EFR3A: variants seen among roughly 807,000 people sequenced by gnomAD.
EFR3A encodes the protein protein EFR3 homolog A.
In EFR3A, 76 loss-of-function variants were observed where a neutral mutation model predicts 104.4. That is an observed-to-expected ratio of 0.73 (90% CI 0.60 to 0.88). EFR3A has a LOEUF of 0.88. Among genes scored for constraint, EFR3A ranks in the 40% least tolerant of loss-of-function variants. The probability of loss-of-function intolerance (pLI) is 0.00; values close to 1 mark genes in which losing one functional copy is unlikely to be tolerated. For synonymous variants in EFR3A, 330 were observed against 330.0 expected, an observed-to-expected ratio of 1.00 and a Z score of 0.00; for missense variants, 985 against 1,012.5, an observed-to-expected ratio of 0.97 and a Z score of 0.37.
At chr8:131,947,519 G>A (rs761091267) in intron 4 of EFR3A, among the ~76,000 whole-genome samples, 7 of 149,976 alleles carry the variant, frequency 4.7e-5, no homozygotes, top group Non-Finnish European at 1.0e-4. Flanking sequence ...TTTTGATGAA[G>A]TCCAGTTCCT....
intron 18 of EFR3A, among the ~76,000 whole-genome samples, chr8:131,995,785 T>TAAAGA (rs1821447761): frequency 6.6e-6 from 1 of 152,196 alleles, no homozygotes; most frequent in Non-Finnish European, 1.5e-5. Context: ...GCTAGAGCAC[T>TAAAGA]CAGGTAAAGA....
chr8:131,928,247 A>G (rs1211659571), intron 1 of EFR3A, among the ~76,000 whole-genome samples: 1 of 152,164 alleles, frequency 6.6e-6, no homozygotes, highest in Non-Finnish European at 1.5e-5. Flanking sequence ...TATTATAAGA[A>G]TAAGATAGTT....
At chr8:131,939,738 G>A (rs765929423) in intron 1 of EFR3A, 1 of 152,060 alleles carries the variant, frequency 6.6e-6, no homozygotes, top group Non-Finnish European at 1.5e-5. Context: ...TACAGGACCT[G>A]GCTCAGTGCT....
chr8:131,936,811 C>T (rs1483362918), intron 1 of EFR3A, among the ~76,000 whole-genome samples: 1 of 152,138 alleles, frequency 6.6e-6, no homozygotes, highest in African/African-American at 2.4e-5. Context: ...TATATATTTG[C>T]TCCAGGTAAG....
intron 1 of EFR3A, among the ~76,000 whole-genome samples, chr8:131,923,551 T>G (rs902106228): frequency 6.6e-6 from 1 of 151,188 alleles, no homozygotes; most frequent in African/African-American, 2.4e-5. Flanking sequence ...TTCAGATGAC[T>G]TCTTAGGAAG....
rs1182956463 is a variant in EFR3A at position 131,970,492 on chromosome 8, A to G, written c.1008A>G (p.Glu336=). The stretch of plus-strand genomic sequence containing the variant: ...CCTTTATAGGTCCGACAGTGCTGGA[A>G]GTCTTCAATACCCTTTTGAAACATC... ...AKGSIGPTVL[E]VFNTLLKHLR... Residue 336 remains glutamate (E), a synonymous_variant, in exon 10 of 23, where the codon GAA becomes GAG. Transcript: ENST00000254624. 1.2e-6 allele frequency: 2 copies of G among 1,613,690 alleles called. No individual in the cohort carries two copies. The highest frequency in any genetic ancestry group is 2.2e-5 in the South Asian group (2 of 91,072).
chr8:131,940,463 A>G (rs1440992008), intron 1 of EFR3A, 36 bp from the exon 2 acceptor site: 3 of 1,535,276 alleles, frequency 2.0e-6, no homozygotes, highest in Non-Finnish European at 2.6e-6. Flanking sequence ...CAATATTAAT[A>G]ATATCTGTAT....
At chr8:132,007,229 A>G (rs1340147878) in intron 22 of EFR3A, among the ~76,000 whole-genome samples, 1 of 151,930 alleles carries the variant, frequency 6.6e-6, no homozygotes, top group South Asian at 2.1e-4. Context: ...GTATGTGGAA[A>G]ATCGTAAGTA....
At chr8:132,007,545 A>G (rs1808167211) in intron 22 of EFR3A, among the ~76,000 whole-genome samples, 1 of 151,984 alleles carries the variant, frequency 6.6e-6, no homozygotes, top group Non-Finnish European at 1.5e-5. Context: ...GTTTCTTTCA[A>G]GTTGATCTGT....
intron 8 of EFR3A, among the ~76,000 whole-genome samples, chr8:131,966,743 C>T (rs1186536230): frequency 6.6e-6 from 1 of 152,140 alleles, no homozygotes. Context: ...TTCACCACCA[C>T]TGTATTATGT....
At chr8:132,008,946 A>G (rs1422876742) in intron 22 of EFR3A, among the ~76,000 whole-genome samples, 3 of 150,612 alleles carry the variant, frequency 2.0e-5, no homozygotes, top group Admixed American at 6.7e-5. Flanking sequence ...ACATTTGTCA[A>G]TTTTTGTCAA....
intron 1 of EFR3A, among the ~76,000 whole-genome samples, chr8:131,924,729 C>A (rs1817216023): frequency 6.6e-6 from 1 of 152,134 alleles, no homozygotes; most frequent in African/African-American, 2.4e-5. Flanking sequence ...CAGTCCAACT[C>A]AGAAAAGTCT....
chr8:132,011,214 A>G lies in EFR3A; in HGVS notation c.*319A>G. The G allele has an allele frequency of 9.8e-7, 1 of 1,017,886 alleles. No individual in the cohort carries two copies. The highest frequency in any genetic ancestry group is 1.7e-5 in the African/African-American group (1 of 58,824). The allele number at this position is 1,017,886 out of a possible 1,614,324, so 63.1% of individuals were successfully genotyped here. On this transcript the variant is annotated 3_prime_UTR_variant, in exon 23 of 23. Coordinates refer to ENST00000254624, the MANE Select transcript of EFR3A (RefSeq NM_015137.6). ...TTTTCACAAATGTAATGTTTTTTAA[A>G]AAGTAAGCCTTCAGAGGATTGAAAC...
At chr8:131,904,645 A>G (rs541401749) in intron 1 of EFR3A, among the ~76,000 whole-genome samples, 2 of 152,230 alleles carry the variant, frequency 1.3e-5, no homozygotes, top group Non-Finnish European at 2.9e-5. Context: ...GCTTCGTGGG[A>G]CTTTATGGAA....
At position 131,941,698 on chromosome 8, in the gene EFR3A, A is replaced by G. The variant is rs182880441; in HGVS notation, c.87+1123A>G. Among the ~76,000 whole-genome samples the G allele has an allele frequency of 6.7e-3, 1,019 of 152,232 alleles. 4 individuals carry two copies. The highest frequency in any genetic ancestry group is 0.017 in the Middle Eastern group (5 of 294). ...GGTGGAAAGTTTTTGCCTCTAAAGC[A>G]GGGAGGTATCACTGTGGGTTGGGAA... is the stretch of plus-strand genomic sequence containing the variant. On this transcript the variant is annotated intron_variant, in intron 2 of 22. Transcript: ENST00000254624.
At chr8:131,910,632 C>CCA (rs1359843587) in intron 1 of EFR3A, among the ~76,000 whole-genome samples, 1 of 152,206 alleles carries the variant, frequency 6.6e-6, no homozygotes, top group East Asian at 1.9e-4. Context: ...ACTTTCCCAC[C>CCA]CACACACACC....
intron 1 of EFR3A, among the ~76,000 whole-genome samples, chr8:131,930,997 T>TA (rs1276776219): frequency 6.6e-6 from 1 of 152,180 alleles, no homozygotes; most frequent in Non-Finnish European, 1.5e-5. Flanking sequence ...CTAAATTCTC[T>TA]ACATCATTAT....
intron 18 of EFR3A, among the ~76,000 whole-genome samples, chr8:131,995,390 A>G (rs1821422167): frequency 6.6e-6 from 1 of 152,098 alleles, no homozygotes; most frequent in Non-Finnish European, 1.5e-5. Flanking sequence ...TTTATTGTAT[A>G]TTTTTCCTGT....
chr8:131,975,605 G>A (rs1586636196), intron 10 of EFR3A, among the ~76,000 whole-genome samples: 2 of 151,806 alleles, frequency 1.3e-5, no homozygotes, highest in Admixed American at 1.3e-4. Context: ...TAGTAGAGAC[G>A]AGGTTTCACC....
Sources: gnomAD v4.1 joint callset for allele counts (sites outside exome capture counted in the v4.1 genomes callset) on GRCh38, gnomAD v4.1.1 for gene constraint, MANE v1.5 for transcripts, NCBI Gene and HGNC (gene_info 2026-07-23, HGNC 2026-07-21) for gene names.